PTPRJ: variants seen among roughly 807,000 people sequenced by gnomAD.
The protein encoded by PTPRJ is receptor-type tyrosine-protein phosphatase eta.
A neutral mutation model predicts 141.3 loss-of-function variants in PTPRJ; 129 were observed. The ratio of observed to expected loss-of-function variants is 0.91; its 90% CI spans 0.79 to 1.06. PTPRJ has a LOEUF of 1.06. PTPRJ is among the 50% of genes least tolerant of loss of function. PTPRJ has a pLI of 0.00. For missense variants in PTPRJ, 1,601 were observed against 1,679.7 expected (o/e 0.95, Z 0.82); for synonymous variants, 610 against 640.5 (o/e 0.95, Z 0.72).
rs187209888 is a variant in PTPRJ at position 48,035,377 on chromosome 11, C to A, written c.96+54369C>A. 8.5e-5 allele frequency among the ~76,000 whole-genome samples: 13 copies of A among 152,248 alleles called. No individual in the cohort carries two copies. The East Asian group carries it at 2.3e-3, about 27-fold the overall frequency. ...AAGAGATTAGGCAGATGTATACATA[C>A]ACGGTAATGTGCAAGTGTCTAGTTT... On this transcript the variant is annotated intron_variant, in intron 1 of 24. Transcript: ENST00000418331.
chr11:48,136,990 T>C lies in PTPRJ; in HGVS notation c.1874-13T>C, dbSNP rs757201434. The C allele has an allele frequency of 5.7e-6, 9 of 1,574,942 alleles. No homozygotes were observed. The highest frequency in any genetic ancestry group is 7.8e-6 in the Non-Finnish European group (9 of 1,148,658). ...TGTGCTTTTACATGAATTGCCTTTT[T>C]TTTAAAATCAAGGGCCCAGCAATGT... is the stretch of plus-strand genomic sequence containing the variant. On this transcript the variant is annotated splice_polypyrimidine_tract_variant and intron_variant, in intron 9 of 24. Coordinates refer to ENST00000418331, the MANE Select transcript of PTPRJ (RefSeq NM_002843.4).
chr11:48,141,164 C>T (rs1013639212), intron 11 of PTPRJ, among the ~76,000 whole-genome samples: 2 of 152,100 alleles, frequency 1.3e-5, no homozygotes, highest in African/African-American at 2.4e-5. Context: ...ATAGCGAGAT[C>T]CCATCTCATT....
intron 1 of PTPRJ, among the ~76,000 whole-genome samples, chr11:48,028,184 C>T (rs1853876371): frequency 6.6e-6 from 1 of 152,176 alleles, no homozygotes; most frequent in Non-Finnish European, 1.5e-5. Flanking sequence ...TTCACAGAGG[C>T]ATGGACACTG....
chr11:48,024,909 A>G (rs574935100), intron 1 of PTPRJ, among the ~76,000 whole-genome samples: 17 of 152,368 alleles, frequency 1.1e-4, no homozygotes, highest in Non-Finnish European at 2.1e-4. Context: ...AATCAGGAAC[A>G]GTCGCGTTTA....
chr11:48,003,659 C>A (rs1237384616), intron 1 of PTPRJ, among the ~76,000 whole-genome samples: 1 of 152,084 alleles, frequency 6.6e-6, no homozygotes, highest in Non-Finnish European at 1.5e-5. Context: ...CCATGCCCAG[C>A]TAATTTTTGT....
At chr11:48,076,772 G>A (rs1855416076) in intron 1 of PTPRJ, among the ~76,000 whole-genome samples, 2 of 146,370 alleles carry the variant, frequency 1.4e-5, no homozygotes, top group South Asian at 2.1e-4. Flanking sequence ...TCAAACATAA[G>A]CCAGTGAAGT....
At chr11:48,030,435 GC>G (rs941689447) in intron 1 of PTPRJ, among the ~76,000 whole-genome samples, 2 of 152,146 alleles carry the variant, frequency 1.3e-5, no homozygotes, top group African/African-American at 4.8e-5. Context: ...GGCTGCTGGG[GC>G]TCCATCCCCC....
chr11:48,062,444 C>T (rs1854964449), intron 1 of PTPRJ, among the ~76,000 whole-genome samples: 2 of 151,684 alleles, frequency 1.3e-5, no homozygotes, highest in African/African-American at 2.4e-5. Flanking sequence ...ACCCAGGAGG[C>T]GGAGCTTGCA....
At position 48,136,109 on chromosome 11, in the gene PTPRJ, C is replaced by G; in HGVS notation, c.1686C>G (p.Ser562Arg). 1 of 1,614,172 alleles carries G rather than the reference C, an allele frequency of 6.2e-7. No homozygotes were observed. The highest frequency in any genetic ancestry group is 8.5e-7 in the Non-Finnish European group (1 of 1,180,014). ...TTTEMWLDWK[S>R]PDGASEYVYH... Reference sequence around the variant, plus strand: ...CGGAGATGTGGCTGGACTGGAAGAGCCCTGACGGTGCTTCCGAGTATGTCT... The same window carrying G: ...CGGAGATGTGGCTGGACTGGAAGAGGCCTGACGGTGCTTCCGAGTATGTCT... Residue 562 changes from serine to arginine, a missense_variant, in exon 9 of 25, where the codon AGC (serine) becomes AGG (arginine). By Grantham distance (110) the Ser-to-Arg change is moderately radical (BLOSUM62 -1). Transcript: ENST00000418331.
intron 21 of PTPRJ, among the ~76,000 whole-genome samples, chr11:48,157,988 C>T (rs1857653871): frequency 6.6e-6 from 1 of 152,122 alleles, no homozygotes; most frequent in African/African-American, 2.4e-5. Flanking sequence ...CCCATCTCTA[C>T]TAAAAACACA....
intron 3 of PTPRJ, among the ~76,000 whole-genome samples, chr11:48,114,054 G>A (rs1390586387): frequency 6.6e-6 from 1 of 152,148 alleles, no homozygotes; most frequent in Non-Finnish European, 1.5e-5. Context: ...TGATACAATA[G>A]TTTTGTTAGT....
intron 1 of PTPRJ, among the ~76,000 whole-genome samples, chr11:48,066,802 T>C (rs923039941): frequency 3.3e-5 from 5 of 152,106 alleles, no homozygotes; most frequent in African/African-American, 4.8e-5. Context: ...GCCAGGCTCA[T>C]CTGGAACTCC....
intron 1 of PTPRJ, among the ~76,000 whole-genome samples, chr11:47,992,260 G>C (rs1341473617): frequency 1.3e-5 from 2 of 151,778 alleles, no homozygotes; most frequent in African/African-American, 2.4e-5. Flanking sequence ...TGTAACCTCC[G>C]CCTTCTGGGT....
chr11:47,987,093 A>G (rs1197418485), intron 1 of PTPRJ, among the ~76,000 whole-genome samples: 1 of 152,052 alleles, frequency 6.6e-6, no homozygotes, highest in Admixed American at 6.6e-5. Flanking sequence ...CTGTGGTCCC[A>G]CCTACTTGAG....
chr11:47,996,334 CAA>C (rs1292092161), intron 1 of PTPRJ, among the ~76,000 whole-genome samples: 1,421 of 56,104 alleles, frequency 0.025, 5 homozygotes, highest in Non-Finnish European at 0.039. Context: ...GACTCTGTCT[CAA>C]AAAAAAAAAA....
At position 48,110,879 on chromosome 11, in the gene PTPRJ, G is replaced by T. The variant is rs78810132; in HGVS notation, c.115+803G>T. On this transcript the variant is annotated intron_variant, in intron 2 of 24. Transcript: ENST00000418331. ...CTGGTAATAAAATGAGAAAAATAAGGATATGACTAGAAGTTTTTTAAGGAA... is the reference window on the plus strand; with the variant it reads ...CTGGTAATAAAATGAGAAAAATAAGTATATGACTAGAAGTTTTTTAAGGAA... Among the ~76,000 whole-genome samples the T allele has an allele frequency of 1.6e-4, 24 of 152,306 alleles. No individual in the cohort carries two copies. The East Asian group carries it at 4.6e-3, about 29-fold the overall frequency.
rs1419336730 is a variant in PTPRJ at position 48,139,803 on chromosome 11, G to C, written c.2443+27G>C. 2.5e-6 allele frequency: 4 copies of C among 1,610,734 alleles called. No individual in the cohort carries two copies. The Admixed American group carries it at 5.0e-5, about 20-fold the overall frequency. ...TGGGCTACAAGGCAGGGGCTGGTCA[G>C]TTGGCACTGTGATCACTCCTGGAGC... On this transcript the variant is annotated intron_variant, in intron 11 of 24. Coordinates refer to ENST00000418331, the MANE Select transcript of PTPRJ (RefSeq NM_002843.4).
At chr11:48,063,918 A>ATGTG (rs113736420) in intron 1 of PTPRJ, among the ~76,000 whole-genome samples, 5,893 of 147,532 alleles carry the variant, frequency 0.04, 246 homozygotes, top group African/African-American at 0.11. Flanking sequence ...TTCTCAGCTT[A>ATGTG]TGTGTGTGTG....
rs1400006063 is a variant in PTPRJ at position 47,985,860 on chromosome 11, G to A, written c.96+4852G>A. Among the ~76,000 whole-genome samples the A allele has an allele frequency of 5.9e-5, 9 of 152,000 alleles. 1 individual carries two copies. The highest frequency in any genetic ancestry group is 1.4e-4 in the African/African-American group (6 of 41,398). On this transcript the variant is annotated intron_variant, in intron 1 of 24. Transcript: ENST00000418331. ...GGATTACAGACGTGCGCTACCATGC[G>A]CAGCTAATTTTTGTATTTTTAGTAG...
Sources: gnomAD v4.1 joint callset for allele counts (sites outside exome capture counted in the v4.1 genomes callset) on GRCh38, gnomAD v4.1.1 for gene constraint, MANE v1.5 for transcripts, NCBI Gene and HGNC (gene_info 2026-07-23, HGNC 2026-07-21) for gene names.